Variants in QTMAN observed in about 807,000 individuals in gnomAD.
QTMAN encodes the protein tRNA-queuosine alpha-mannosyltransferase.
chr2:144,068,601 G>A, the QTMAN span, among the ~76,000 whole-genome samples: 5 of 152,196 alleles, frequency 3.3e-5, no homozygotes, highest in Non-Finnish European at 1.5e-5. Context: ...TTAAGTTAAG[G>A]ACACTCTATT....
At chr2:144,023,721 C>A in the QTMAN span, among the ~76,000 whole-genome samples, 1 of 151,958 alleles carries the variant, frequency 6.6e-6, no homozygotes, top group East Asian at 1.9e-4. Flanking sequence ...TGGGTCATAG[C>A]CACAAAGATG....
chr2:144,312,724 G>A, the QTMAN span, among the ~76,000 whole-genome samples: 1,543 of 152,210 alleles, frequency 0.01, 22 homozygotes, highest in African/African-American at 0.035. Flanking sequence ...GGATCACTGG[G>A]GTGGCTTCCC....
chr2:144,078,678 TA>T, the QTMAN span, among the ~76,000 whole-genome samples: 2 of 152,194 alleles, frequency 1.3e-5, no homozygotes, highest in Non-Finnish European at 2.9e-5. Context: ...ATGGAACAGA[TA>T]ATATTGACCA....
the QTMAN span, among the ~76,000 whole-genome samples, chr2:144,236,783 C>T: frequency 2.6e-5 from 4 of 151,760 alleles, no homozygotes; most frequent in Non-Finnish European, 4.4e-5. Context: ...GAATAGGCTA[C>T]ATCAGAAAGA....
the QTMAN span, among the ~76,000 whole-genome samples, chr2:144,247,256 A>T: frequency 6.6e-6 from 1 of 152,220 alleles, no homozygotes; most frequent in South Asian, 2.1e-4. Flanking sequence ...ATCTGATGCA[A>T]TTCCCTTTAT....
At chr2:144,133,846 G>C in the QTMAN span, among the ~76,000 whole-genome samples, 1 of 151,754 alleles carries the variant, frequency 6.6e-6, no homozygotes, top group Admixed American at 6.6e-5. Flanking sequence ...AGCAAATATG[G>C]TTAAGTTTAA....
chr2:144,074,291 A>T, the QTMAN span, among the ~76,000 whole-genome samples: 1 of 152,230 alleles, frequency 6.6e-6, no homozygotes, highest in Non-Finnish European at 1.5e-5. Flanking sequence ...AATGTTACAT[A>T]ATAACACACT....
At chr2:143,966,185 T>C in the QTMAN span, among the ~76,000 whole-genome samples, 4 of 152,200 alleles carry the variant, frequency 2.6e-5, no homozygotes, top group Non-Finnish European at 5.9e-5. Flanking sequence ...GGTAGACTGA[T>C]TGGGTGGTTT....
At chr2:144,107,197 C>T in the QTMAN span, among the ~76,000 whole-genome samples, 10 of 152,130 alleles carry the variant, frequency 6.6e-5, no homozygotes, top group African/African-American at 1.2e-4. Flanking sequence ...ATTAAAATAA[C>T]GAGAGAAGCA....
At chr2:144,077,898 T>G in the QTMAN span, among the ~76,000 whole-genome samples, 1 of 152,250 alleles carries the variant, frequency 6.6e-6, no homozygotes, top group Non-Finnish European at 1.5e-5. Flanking sequence ...GCAATATGCT[T>G]ATTGTTTTAC....
chr2:144,113,876 T>C, the QTMAN span, among the ~76,000 whole-genome samples: 1 of 152,212 alleles, frequency 6.6e-6, no homozygotes, highest in Admixed American at 6.5e-5. Flanking sequence ...TCTAGGTAAA[T>C]AGTAGACCAC....
chr2:144,024,208 G>A, the QTMAN span, among the ~76,000 whole-genome samples: 3 of 152,332 alleles, frequency 2.0e-5, no homozygotes, highest in African/African-American at 4.8e-5. Context: ...TCTTTGTTAA[G>A]CCAGAAATAA....
the QTMAN span, among the ~76,000 whole-genome samples, chr2:144,022,218 G>C: frequency 6.6e-6 from 1 of 151,572 alleles, no homozygotes; most frequent in Non-Finnish European, 1.5e-5. Context: ...TTTTCCATCT[G>C]GAACTCCTAT....
the QTMAN span, among the ~76,000 whole-genome samples, chr2:144,093,410 C>T: frequency 1.3e-5 from 2 of 152,266 alleles, no homozygotes; most frequent in East Asian, 3.9e-4. Flanking sequence ...CTGACATTTG[C>T]AAAGCAATCA....
the QTMAN span, among the ~76,000 whole-genome samples, chr2:144,330,186 A>G: frequency 6.6e-6 from 1 of 152,354 alleles, no homozygotes. Context: ...CATCGAATAT[A>G]CAACTGTGGT....
At chr2:144,302,621 AG>A in the QTMAN span, among the ~76,000 whole-genome samples, 17 of 152,338 alleles carry the variant, frequency 1.1e-4, no homozygotes, top group East Asian at 3.1e-3. Context: ...AATATTCAAT[AG>A]GTATTTACAG....
At chr2:144,329,635 G>C in the QTMAN span, among the ~76,000 whole-genome samples, 1 of 152,144 alleles carries the variant, frequency 6.6e-6, no homozygotes, top group Non-Finnish European at 1.5e-5. Flanking sequence ...CCCAATATCA[G>C]AGTGACTAAC....
chr2:144,013,372 G>A, the QTMAN span, among the ~76,000 whole-genome samples: 1 of 152,216 alleles, frequency 6.6e-6, no homozygotes, highest in African/African-American at 2.4e-5. Context: ...AATACTACTT[G>A]AGGCCCTAGG....
chr2:144,134,448 T>C, the QTMAN span, among the ~76,000 whole-genome samples: 1 of 152,090 alleles, frequency 6.6e-6, no homozygotes, highest in African/African-American at 2.4e-5. Flanking sequence ...ACATCCTTTT[T>C]CCCTCTTCAA....
Sources: gnomAD v4.1 joint callset for allele counts (sites outside exome capture counted in the v4.1 genomes callset) on GRCh38, gnomAD v4.1.1 for gene constraint, MANE v1.5 for transcripts, NCBI Gene and HGNC (gene_info 2026-07-23, HGNC 2026-07-21) for gene names.